Variants in STAG1 observed in about 807,000 individuals in gnomAD.
STAG1 encodes cohesin subunit SA-1.
In STAG1, 26 loss-of-function variants were observed where a neutral mutation model predicts 170.9. That is an observed-to-expected ratio of 0.15 (90% CI 0.11 to 0.21). The LOEUF (loss-of-function observed/expected upper bound fraction) is 0.21. STAG1 is among the 10% of genes least tolerant of loss of function. The probability of loss-of-function intolerance (pLI) is 1.00; values close to 1 mark genes in which losing one functional copy is unlikely to be tolerated. For synonymous variants in STAG1, 514 were observed against 497.7 expected (o/e 1.03, Z -0.44); for missense variants, 964 against 1,509.5 (o/e 0.64, Z 5.99).
intron 19 of STAG1, among the ~76,000 whole-genome samples, 180 bp downstream of exon 19, chr3:136,422,230 T>A: frequency 6.7e-6 from 1 of 150,014 alleles, no homozygotes; most frequent in Admixed American, 6.7e-5. Flanking sequence ...AGAATAAAAA[T>A]AAGGCATAAC....
Position 136,425,646 on chromosome 3 carries a change from G to A in STAG1, c.1651-2602C>T, listed in dbSNP as rs138557825. Among the ~76,000 whole-genome samples the A allele has an allele frequency of 3.7e-3, 566 of 151,366 alleles. 3 individuals are homozygous for A. The highest frequency in any genetic ancestry group is 0.013 in the African/African-American group (536 of 41,346). ...AAAAACTCTATTAGGCTAAATTTAG[G>A]TCAAATACCAATATGAATGTATGAT... is the stretch of plus-strand genomic sequence containing the variant. On this transcript the variant is annotated intron_variant, in intron 16 of 33. Coordinates refer to ENST00000383202, the MANE Select transcript of STAG1 (RefSeq NM_005862.3).
intron 6 of STAG1, among the ~76,000 whole-genome samples, chr3:136,528,712 G>A (rs1285650539): frequency 6.6e-6 from 1 of 152,030 alleles, no homozygotes; most frequent in East Asian, 1.9e-4. Flanking sequence ...CAGCTCGGGA[G>A]GCTGAGGTGA....
intron 9 of STAG1, among the ~76,000 whole-genome samples, chr3:136,487,523 C>G (rs555024249): frequency 6.6e-6 from 1 of 152,252 alleles, no homozygotes; most frequent in African/African-American, 2.4e-5. Flanking sequence ...TCCAGACTTG[C>G]AATTTGACCA....
At chr3:136,706,990 T>G (rs1235162344) in intron 1 of STAG1, among the ~76,000 whole-genome samples, 1 of 152,192 alleles carries the variant, frequency 6.6e-6, no homozygotes, top group Non-Finnish European at 1.5e-5. Context: ...TGGGATAATG[T>G]GATACCCACA....
chr3:136,338,501 T>C, intron 32 of STAG1, 51 bp from the exon 33 acceptor site: 3 of 1,313,734 alleles, frequency 2.3e-6, no homozygotes, highest in Non-Finnish European at 3.3e-6. Context: ...ATTAAGACAA[T>C]GAATTGTGAT....
At chr3:136,608,534 AC>A (rs1939077898) in intron 3 of STAG1, among the ~76,000 whole-genome samples, 1 of 136,948 alleles carries the variant, frequency 7.3e-6, no homozygotes, top group Non-Finnish European at 1.6e-5. Flanking sequence ...CAAAAACAAA[AC>A]AACAAAAAGA....
At chr3:136,343,645 G>C (rs1936092476) in intron 30 of STAG1, among the ~76,000 whole-genome samples, 187 bp downstream of exon 30, 1 of 152,166 alleles carries the variant, frequency 6.6e-6, no homozygotes, top group Non-Finnish European at 1.5e-5. Flanking sequence ...TAAACTTCCA[G>C]GAACTGGTAT....
chr3:136,603,881 T>C (rs761322414), intron 4 of STAG1, among the ~76,000 whole-genome samples: 40 of 151,922 alleles, frequency 2.6e-4, no homozygotes, highest in Admixed American at 2.0e-3. Context: ...AGCCAGACTC[T>C]GTCTCAAAAA....
intron 4 of STAG1, among the ~76,000 whole-genome samples, chr3:136,582,416 G>C (rs1347243002): frequency 6.6e-6 from 1 of 152,204 alleles, no homozygotes; most frequent in Admixed American, 6.5e-5. Context: ...AGAGCCATTA[G>C]CAAGAGCTGA....
chr3:136,560,492 C>G (rs1416491543), intron 5 of STAG1, among the ~76,000 whole-genome samples: 1 of 152,158 alleles, frequency 6.6e-6, no homozygotes, highest in African/African-American at 2.4e-5. Context: ...ATAACTTATT[C>G]CAATAAACAC....
intron 2 of STAG1, among the ~76,000 whole-genome samples, chr3:136,625,296 T>C (rs568162796): frequency 6.6e-6 from 1 of 152,348 alleles, no homozygotes; most frequent in South Asian, 2.1e-4. Flanking sequence ...CTCTTCTCCA[T>C]TTATATTACA....
intron 9 of STAG1, 108 bp from the exon 10 acceptor site, chr3:136,477,520 T>G: frequency 9.5e-7 from 1 of 1,056,274 alleles, no homozygotes; most frequent in Non-Finnish European, 1.3e-6. Flanking sequence ...TGTATATATT[T>G]GCATTCTGAA....
intron 15 of STAG1, among the ~76,000 whole-genome samples, chr3:136,436,986 T>C (rs559729032): frequency 6.6e-6 from 1 of 152,360 alleles, no homozygotes; most frequent in South Asian, 2.1e-4. Flanking sequence ...AAAAAGCTTT[T>C]TGCTCAATAA....
chr3:136,469,768 T>C (rs9759024), intron 12 of STAG1, among the ~76,000 whole-genome samples: 115,825 of 152,038 alleles, frequency 0.76, 44,192 homozygotes, highest in East Asian at 0.86. Flanking sequence ...AACAGCATGG[T>C]ACTGGTACCA....
At chr3:136,704,267 T>A (rs529963751) in intron 1 of STAG1, among the ~76,000 whole-genome samples, 2 of 151,584 alleles carry the variant, frequency 1.3e-5, no homozygotes, top group Non-Finnish European at 2.9e-5. Context: ...GCCAGGCTAG[T>A]CTCGAACCCC....
rs752611809 is a variant in STAG1 at position 136,338,185 on chromosome 3, A to G, written c.*69T>C. On this transcript the variant is annotated 3_prime_UTR_variant, in exon 34 of 34. Transcript: ENST00000383202. The stretch of plus-strand genomic sequence containing the variant: ...CATCAAAAGTGTTTTTCCCCATACA[A>G]GCTATCACAGTATATAGGCCTCTAG... 1.0e-5 allele frequency: 11 copies of G among 1,049,756 alleles called. No homozygotes were observed. Among genetic ancestry groups the G allele is most frequent in the Non-Finnish European group, 1.6e-5 (11 of 686,350 alleles). 65.0% of individuals were successfully genotyped at this position (1,049,756 alleles called of 1,614,324 possible). A position where few individuals can be genotyped will look rare whatever the true frequency, so the allele number is the denominator to read the frequency against.
chr3:136,572,601 CAAAAAAAA>C (rs11379268), intron 4 of STAG1, among the ~76,000 whole-genome samples: 1 of 66,700 alleles, frequency 1.5e-5, no homozygotes, highest in Non-Finnish European at 2.8e-5. Flanking sequence ...AAGACTGTCT[CAAAAAAAA>C]AAAAAAAAAA....
chr3:136,493,274 T>C (rs1453404568), intron 9 of STAG1, among the ~76,000 whole-genome samples: 3 of 152,038 alleles, frequency 2.0e-5, no homozygotes, highest in African/African-American at 7.2e-5. Context: ...GCCCAGGATG[T>C]TGAGGCTGAA....
chr3:136,525,511 G>C (rs568813032), intron 6 of STAG1, among the ~76,000 whole-genome samples: 4 of 151,784 alleles, frequency 2.6e-5, no homozygotes, highest in Admixed American at 6.6e-5. Context: ...CCTTGCCAGT[G>C]GTCTATCAAT....
Sources: gnomAD v4.1 joint callset for allele counts (sites outside exome capture counted in the v4.1 genomes callset) on GRCh38, gnomAD v4.1.1 for gene constraint, MANE v1.5 for transcripts, NCBI Gene and HGNC (gene_info 2026-07-23, HGNC 2026-07-21) for gene names.